ADD2: variants seen among roughly 807,000 people sequenced by gnomAD.
The protein encoded by ADD2 is beta-adducin.
Under a neutral mutation model 83.0 loss-of-function variants are expected in ADD2, and 23 were observed. That is an observed-to-expected ratio of 0.28 (90% CI 0.20 to 0.39). The LOEUF (loss-of-function observed/expected upper bound fraction) is 0.39. Among genes scored for constraint, ADD2 ranks in the 10% least tolerant of loss-of-function variants. The probability of loss-of-function intolerance (pLI) is 1.00; values close to 1 mark genes in which losing one functional copy is unlikely to be tolerated. For synonymous variants in ADD2, 375 were observed against 375.4 expected (o/e 1.00, Z 0.01); for missense variants, 758 against 944.9 (o/e 0.80, Z 2.59).
intron 1 of ADD2, among the ~76,000 whole-genome samples, chr2:70,720,132 A>AT (rs1304144671): frequency 6.6e-6 from 1 of 152,178 alleles, no homozygotes. Flanking sequence ...CTGTTTGGGC[A>AT]TAAGAGAAAA....
rs73936998 is a variant in ADD2, at chr2:70,672,188, C to G, written c.1870+690G>C. Among the ~76,000 whole-genome samples the G allele has an allele frequency of 5.9e-3, 902 of 152,286 alleles. 9 individuals are homozygous for G. The highest frequency in any genetic ancestry group is 0.021 in the African/African-American group (871 of 41,562). ...ACTGAGGCTCAGAGATGCTGATTTG[C>G]TAAAATTAGCTGTTATTACTAGTTA... On this transcript the variant is annotated intron_variant, in intron 15 of 15. Coordinates refer to ENST00000264436, the MANE Select transcript of ADD2 (RefSeq NM_001617.4).
At chr2:70,664,876 AGTGT>A (rs1161177404) in intron 15 of ADD2, among the ~76,000 whole-genome samples, 22 of 152,142 alleles carry the variant, frequency 1.4e-4, no homozygotes, top group African/African-American at 5.1e-4. Flanking sequence ...TGTGCGAACC[AGTGT>A]GTGTGACAGT....
At chr2:70,685,841 C>T (rs1553370441) in intron 9 of ADD2, among the ~76,000 whole-genome samples, 2 of 152,178 alleles carry the variant, frequency 1.3e-5, no homozygotes, top group Non-Finnish European at 2.9e-5. Flanking sequence ...CCCCCAGTTT[C>T]CATGGTGATG....
At position 70,657,754 on chromosome 2, in the gene ADD2, C is replaced by T. The variant is rs1675410691; in HGVS notation, c.*5671G>A. The T allele has an allele frequency of 6.6e-6, 1 of 152,152 alleles. No homozygotes were observed. The allele number at this position is 152,152 out of a possible 1,614,324, so 9.4% of individuals were successfully genotyped here. A position where few individuals can be genotyped will look rare whatever the true frequency, so the allele number is the denominator to read the frequency against. ...CTTTCTACAGTTATTCTCCCACCAC[C>T]CCCCAAACTCTTACGTTTTCTTTAA... On this transcript the variant is annotated 3_prime_UTR_variant, in exon 16 of 16. Coordinates refer to ENST00000264436, the MANE Select transcript of ADD2 (RefSeq NM_001617.4).
chr2:70,767,855 A>G, intron 1 of ADD2, 31 bp downstream of exon 1: 1 of 1,535,200 alleles, frequency 6.5e-7, no homozygotes. Context: ...GACCCCAGGC[A>G]GCCCACCAGG....
At chr2:70,720,657 G>A (rs945864194) in intron 1 of ADD2, among the ~76,000 whole-genome samples, 1 of 152,156 alleles carries the variant, frequency 6.6e-6, no homozygotes, top group Non-Finnish European at 1.5e-5. Context: ...GGGATATTAA[G>A]GAAAGAGCTA....
At position 70,663,514 on chromosome 2, in the gene ADD2, G is replaced by T; in HGVS notation, c.2092C>A (p.Pro698Thr). Reference sequence around the variant, plus strand: ...TTCTTCTTTGAGGGAGACTTGGAAGGTGAGCCCTCTGGGGACATGGGGCCG... The same window carrying T: ...TTCTTCTTTGAGGGAGACTTGGAAGTTGAGCCCTCTGGGGACATGGGGCCG... ...TSGPMSPEGS[P>T]SKSPSKKKKK... The change falls in exon 16 of 16, where the codon CCT (proline) becomes ACT (threonine). Residue 698 changes from proline (P) to threonine (T), a missense_variant. Coordinates refer to ENST00000264436, the MANE Select transcript of ADD2 (RefSeq NM_001617.4). 1 of 1,614,148 alleles carries T rather than the reference G, an allele frequency of 6.2e-7. No individual in the cohort carries two copies. The highest frequency in any genetic ancestry group is 8.5e-7 in the Non-Finnish European group (1 of 1,180,030).
In ADD2 at chr2:70,661,117, G is replaced by A. The variant is rs1675523685; in HGVS notation, c.*2308C>T. 1.3e-5 allele frequency: 2 copies of A among 152,196 alleles called. No individual in the cohort carries two copies. The highest frequency in any genetic ancestry group is 2.1e-4 in the South Asian group (1 of 4,816). The allele number at this position is 152,196 out of a possible 1,614,324, so 9.4% of individuals were successfully genotyped here. On this transcript the variant is annotated 3_prime_UTR_variant, in exon 16 of 16. Coordinates refer to ENST00000264436, the MANE Select transcript of ADD2 (RefSeq NM_001617.4). The stretch of plus-strand genomic sequence containing the variant: ...CTCCACCCAATGAGGCCTAAGTGAG[G>A]CCTCATTGTCAAGGGAATAGAGTGT...
At chr2:70,749,081 G>A (rs1397399658) in intron 1 of ADD2, among the ~76,000 whole-genome samples, 2 of 152,180 alleles carry the variant, frequency 1.3e-5, no homozygotes, top group African/African-American at 4.8e-5. Flanking sequence ...TCATAGTTTT[G>A]CATGGCTGGT....
chr2:70,705,717 C>T (rs1553374282), intron 3 of ADD2, among the ~76,000 whole-genome samples: 1 of 152,208 alleles, frequency 6.6e-6, no homozygotes. Flanking sequence ...CCCCATCCCA[C>T]AGCCCGGCTG....
In ADD2 at chr2:70,754,263, A is replaced by G. The variant is rs552008567; in HGVS notation, c.-154+13623T>C. 3.9e-5 allele frequency among the ~76,000 whole-genome samples: 6 copies of G among 152,260 alleles called. No individual in the cohort carries two copies. In the South Asian group the frequency reaches 8.3e-4, roughly 21 times the overall value. On this transcript the variant is annotated intron_variant, in intron 1 of 15. Coordinates refer to ENST00000264436, the MANE Select transcript of ADD2 (RefSeq NM_001617.4). ...TACCTTCCTTCCTGCTTGGAAACCA[A>G]TCGAATTGAACAATCACATAATTCT...
chr2:70,676,359 A>G lies in ADD2; in HGVS notation c.1593+437T>C, dbSNP rs191262178. The stretch of plus-strand genomic sequence containing the variant: ...CTATATACCCCTTCTCTATGGGTAC[A>G]TGATCATCTTTCCAGAGCTCTGGTT... On this transcript the variant is annotated intron_variant, in intron 13 of 15. Transcript: ENST00000264436. This position sits in a 1 kb window ranked among gnomAD's most constrained non-coding sequence, Gnocchi z 4.8. The G allele has an allele frequency of 9.7e-4, 1,046 of 1,079,160 alleles. 1 individual carries two copies. The highest frequency in any genetic ancestry group is 1.0e-3 in the Non-Finnish European group (913 of 889,558). The allele number at this position is 1,079,160 out of a possible 1,614,324, so 66.8% of individuals were successfully genotyped here.
At chr2:70,714,604 T>C (rs1672370014) in intron 1 of ADD2, among the ~76,000 whole-genome samples, 2 of 152,314 alleles carry the variant, frequency 1.3e-5, no homozygotes, top group South Asian at 4.1e-4. Context: ...GCTCTGCACA[T>C]CCAGTGCCGG....
At chr2:70,684,131 A>G (rs1294320514) in intron 9 of ADD2, among the ~76,000 whole-genome samples, 1 of 152,216 alleles carries the variant, frequency 6.6e-6, no homozygotes, top group Non-Finnish European at 1.5e-5. Context: ...TCTTGTTTGT[A>G]ATATTTTGTT....
chr2:70,731,849 G>A (rs536200456), intron 1 of ADD2, among the ~76,000 whole-genome samples: 1 of 152,332 alleles, frequency 6.6e-6, no homozygotes, highest in Non-Finnish European at 1.5e-5. Context: ...TGTCATGTCA[G>A]GCAGTCCCAC....
intron 1 of ADD2, among the ~76,000 whole-genome samples, chr2:70,736,814 A>G (rs749422015): frequency 7.2e-4 from 109 of 151,550 alleles, no homozygotes; most frequent in Non-Finnish European, 5.2e-4. Context: ...CTCGAATAAT[A>G]TGAGCTTGGA....
In ADD2 at chr2:70,690,869, T is replaced by C. The variant is rs782319979; in HGVS notation, c.766A>G (p.Met256Val). 16 of 1,614,046 alleles carry C rather than the reference T, an allele frequency of 9.9e-6. No individual in the cohort carries two copies. In the South Asian group the frequency reaches 1.1e-4, roughly 11 times the overall value. ...VSHNALLVGDMAYYDFNGEME... is the reference protein window; with the variant it reads ...VSHNALLVGDVAYYDFNGEME... The stretch of plus-strand genomic sequence containing the variant: ...TCCCCATTGAAGTCATAATAGGCCA[T>C]GTCCCCCACCAGCAGGGCATTGTGG... Residue 256 changes from methionine (M) to valine (V), a missense_variant, in exon 8 of 16, where the codon ATG (methionine) becomes GTG (valine). Physicochemically the swap from Met to Val is conservative, Grantham distance 21. Transcript: ENST00000264436.
intron 1 of ADD2, among the ~76,000 whole-genome samples, chr2:70,747,889 T>C (rs782362980): frequency 4.6e-5 from 7 of 152,332 alleles, no homozygotes; most frequent in Middle Eastern, 3.4e-3. Flanking sequence ...TTGTTTTTTG[T>C]ATAGTAGGTC....
chr2:70,713,481 G>A (rs1022523418), intron 1 of ADD2, among the ~76,000 whole-genome samples: 1 of 152,050 alleles, frequency 6.6e-6, no homozygotes, highest in Admixed American at 6.6e-5. Context: ...CGTGGTGGTG[G>A]GTGCCTGTAG....
Sources: gnomAD v4.1 joint callset for allele counts (sites outside exome capture counted in the v4.1 genomes callset) on GRCh38, gnomAD v4.1.1 for gene constraint, Gnocchi (gnomAD v3.1) non-coding constraint, MANE v1.5 for transcripts, NCBI Gene and HGNC (gene_info 2026-07-23, HGNC 2026-07-21) for gene names.